Variants in SORCS2 observed in about 807,000 individuals in gnomAD.
The protein encoded by SORCS2 is sortilin related VPS10 domain containing receptor 2.
Under a neutral mutation model 141.6 loss-of-function variants are expected in SORCS2, and 100 were observed. The ratio of observed to expected loss-of-function variants is 0.71; its 90% confidence interval spans 0.60 to 0.83. SORCS2 has a LOEUF of 0.83. Among genes scored for constraint, SORCS2 ranks in the 40% least tolerant of loss-of-function variants. SORCS2 has a pLI of 0.00. For missense variants in SORCS2, 1,646 were observed against 1,560.2 expected (o/e 1.05, Z -0.93); for synonymous variants, 789 against 676.9 (o/e 1.17, Z -2.57).
intron 1 of SORCS2, among the ~76,000 whole-genome samples, chr4:7,354,784 G>A (rs1239952288): frequency 6.6e-6 from 1 of 152,146 alleles, no homozygotes; most frequent in Non-Finnish European, 1.5e-5. Flanking sequence ...AGGAGCCCTG[G>A]GGCTCTGCAC....
At chr4:7,310,646 T>G (rs1008478440) in intron 1 of SORCS2, 2 of 153,852 alleles carry the variant, frequency 1.3e-5, no homozygotes, top group African/African-American at 4.8e-5. Flanking sequence ...CTCAGCCTGA[T>G]GCACACACCC....
chr4:7,559,366 G>A (rs1714365339), intron 3 of SORCS2, among the ~76,000 whole-genome samples: 1 of 152,210 alleles, frequency 6.6e-6, no homozygotes, highest in South Asian at 2.1e-4. Flanking sequence ...CACTCTAGGG[G>A]ACCGATGGTG....
chr4:7,729,836 G>T lies in SORCS2; in HGVS notation c.3108+124G>T. 21 of 1,363,550 alleles carry T rather than the reference G, an allele frequency of 1.5e-5. No homozygotes were observed. The South Asian group carries it at 2.2e-4, about 14-fold the overall frequency. The allele number at this position is 1,363,550 out of a possible 1,614,324, so 84.5% of individuals were successfully genotyped here. Reference sequence around the variant, plus strand: ...AAGGCGTCTTTCTCGCTGCATCTCAGTCTGACTCAGGGTGGCTTGACCTCG... The same window carrying T: ...AAGGCGTCTTTCTCGCTGCATCTCATTCTGACTCAGGGTGGCTTGACCTCG... On this transcript the variant is annotated intron_variant, in intron 23 of 26. Transcript: ENST00000507866.
intron 1 of SORCS2, among the ~76,000 whole-genome samples, chr4:7,339,171 A>T (rs890450149): frequency 6.6e-6 from 1 of 152,326 alleles, no homozygotes; most frequent in African/African-American, 2.4e-5. Context: ...AAACCAGCCC[A>T]TGGAGCGCTG....
At position 7,277,343 on chromosome 4, in the gene SORCS2, G is replaced by A. The variant is rs540462944; in HGVS notation, c.480+84217G>A. 2.8e-4 allele frequency among the ~76,000 whole-genome samples: 43 copies of A among 152,300 alleles called. No homozygotes were observed. The East Asian group carries it at 8.1e-3, about 29-fold the overall frequency. ...CATCCCTATCCCCAGCTCGCTGAGC[G>A]GGGGTCTCTGCCTGTGTGTGCCCCA... is the stretch of plus-strand genomic sequence containing the variant. On this transcript the variant is annotated intron_variant, in intron 1 of 26. Transcript: ENST00000507866.
intron 3 of SORCS2, among the ~76,000 whole-genome samples, chr4:7,555,431 C>T (rs762482119): frequency 8.5e-5 from 13 of 152,232 alleles, no homozygotes; most frequent in Admixed American, 2.0e-4. Context: ...ATGCCCTCCA[C>T]CAGCCCTTGC....
At chr4:7,394,119 T>C (rs901332633) in intron 1 of SORCS2, among the ~76,000 whole-genome samples, 1 of 151,992 alleles carries the variant, frequency 6.6e-6, no homozygotes, top group Non-Finnish European at 1.5e-5. Flanking sequence ...GTAGAACGAT[T>C]CTGTCCCCAA....
intron 3 of SORCS2, among the ~76,000 whole-genome samples, chr4:7,545,152 A>T (rs931761188): frequency 1.3e-5 from 2 of 152,148 alleles, no homozygotes; most frequent in Non-Finnish European, 2.9e-5. Context: ...AGAAAAAAAA[A>T]AAAAAACTCG....
At chr4:7,732,759 A>T (rs1436483709) in intron 23 of SORCS2, among the ~76,000 whole-genome samples, 2 of 151,800 alleles carry the variant, frequency 1.3e-5, no homozygotes, top group East Asian at 3.9e-4. Flanking sequence ...TCCCGACTAA[A>T]ACAAGAGCTC....
chr4:7,309,127 T>C (rs1718024117), intron 1 of SORCS2, among the ~76,000 whole-genome samples: 1 of 152,188 alleles, frequency 6.6e-6, no homozygotes, highest in Admixed American at 6.5e-5. Flanking sequence ...TGTCAGCACT[T>C]GGAAAGGTCT....
At chr4:7,643,839 T>C (rs561937559) in intron 4 of SORCS2, among the ~76,000 whole-genome samples, 8 of 152,288 alleles carry the variant, frequency 5.3e-5, no homozygotes, top group African/African-American at 1.9e-4. Context: ...AGCAGGTTCA[T>C]GAACTGCCCA....
chr4:7,737,725 C>T (rs952865749), intron 26 of SORCS2, among the ~76,000 whole-genome samples: 3 of 152,226 alleles, frequency 2.0e-5, no homozygotes, highest in Non-Finnish European at 4.4e-5. Context: ...ACAAACCGCC[C>T]ACCTCAGCGG....
At chr4:7,592,134 C>T (rs1210583256) in intron 3 of SORCS2, among the ~76,000 whole-genome samples, 2 of 152,176 alleles carry the variant, frequency 1.3e-5, no homozygotes, top group African/African-American at 2.4e-5. Context: ...TTGGCTCTCT[C>T]GACAAAGCCC....
chr4:7,504,930 G>C (rs1047465657), intron 2 of SORCS2, among the ~76,000 whole-genome samples: 1 of 152,136 alleles, frequency 6.6e-6, no homozygotes, highest in Admixed American at 6.5e-5. Flanking sequence ...GATGCCCCCC[G>C]GCCACCTGTC....
At chr4:7,446,054 C>A (rs1727972965) in intron 2 of SORCS2, among the ~76,000 whole-genome samples, 1 of 151,478 alleles carries the variant, frequency 6.6e-6, no homozygotes, top group South Asian at 2.1e-4. Context: ...CCTTTCATTT[C>A]TTCCCCCTTC....
chr4:7,227,333 C>T (rs1025621173), intron 1 of SORCS2, among the ~76,000 whole-genome samples: 3 of 152,188 alleles, frequency 2.0e-5, no homozygotes, highest in African/African-American at 7.2e-5. Flanking sequence ...GCCCTGGGTT[C>T]CCCTTTCCTG....
At chr4:7,701,069 G>A (rs776346650) in intron 12 of SORCS2, among the ~76,000 whole-genome samples, 33 of 152,216 alleles carry the variant, frequency 2.2e-4, no homozygotes, top group Non-Finnish European at 2.9e-4. Flanking sequence ...TCCCTGATGG[G>A]CAGCAGCACC....
At chr4:7,348,895 G>A (rs1282619007) in intron 1 of SORCS2, among the ~76,000 whole-genome samples, 1 of 152,186 alleles carries the variant, frequency 6.6e-6, no homozygotes, top group Non-Finnish European at 1.5e-5. Flanking sequence ...CTGTTTTGCT[G>A]TCGGAAAGCG....
chr4:7,439,768 T>C (rs1283755327), intron 2 of SORCS2, among the ~76,000 whole-genome samples: 1 of 152,218 alleles, frequency 6.6e-6, no homozygotes, highest in East Asian at 1.9e-4. Context: ...ATTGTGTGGC[T>C]TTCTCACACT....
Sources: allele counts gnomAD v4.1 joint callset (sites outside exome capture counted in the v4.1 genomes callset), GRCh38; gene constraint gnomAD v4.1.1; transcripts MANE v1.5; gene names NCBI Gene and HGNC (gene_info 2026-07-23, HGNC 2026-07-21).